The following ANAPC10 variants were observed in gnomAD, a reference collection of about 807,000 sequenced individuals.
ANAPC10 encodes anaphase promoting complex subunit 10.
In ANAPC10, 12 loss-of-function variants were observed where a neutral mutation model predicts 22.0. The ratio of observed to expected loss-of-function variants is 0.55; its 90% CI spans 0.35 to 0.88. The LOEUF (loss-of-function observed/expected upper bound fraction) is 0.88. Ranked by LOEUF, ANAPC10 falls within the 40% of genes least tolerant of loss-of-function variation. The pLI is 0.01. For missense variants in ANAPC10, 188 were observed against 220.9 expected, an observed-to-expected ratio of 0.85 and a Z score of 0.94; for synonymous variants, 65 against 69.5, an observed-to-expected ratio of 0.94 and a Z score of 0.32.
rs576641738 is a variant in ANAPC10 at position 145,077,712 on chromosome 4, G to C, written c.206+3948C>G. Among the ~76,000 whole-genome samples, 3 of 152,188 alleles carry C rather than the reference G, an allele frequency of 2.0e-5. No homozygotes were observed. In the South Asian group the frequency reaches 6.2e-4, roughly 32 times the overall value. ...GCTTTATTCCTCGGATGTAAGATAGGCTCCACATATGCAAATCAATAAATG... is the reference window on the plus strand; with the variant it reads ...GCTTTATTCCTCGGATGTAAGATAGCCTCCACATATGCAAATCAATAAATG... On this transcript the variant is annotated intron_variant, in intron 3 of 4. Transcript: ENST00000507656.
chr4:145,054,636 TGTGTGCGC>T (rs1465463588), intron 4 of ANAPC10, among the ~76,000 whole-genome samples: 23 of 100,754 alleles, frequency 2.3e-4, no homozygotes, highest in Non-Finnish European at 2.3e-4. Context: ...TGTGTGTGTG[TGTGTGCGC>T]GCGCGCGCGC....
At chr4:145,047,604 C>A (rs900352772) in intron 4 of ANAPC10, among the ~76,000 whole-genome samples, 1 of 152,098 alleles carries the variant, frequency 6.6e-6, no homozygotes, top group Non-Finnish European at 1.5e-5. Flanking sequence ...AAGTCAGGAA[C>A]ACTTCTCAAT....
chr4:145,077,628 A>G lies in ANAPC10; in HGVS notation c.206+4032T>C, dbSNP rs543051800. ...TCGACACAAAAATCCTCAATAACAT[A>G]CTAGCAAACTGAAACCAGCAGCACA... On this transcript the variant is annotated intron_variant, in intron 3 of 4. Coordinates refer to ENST00000507656, the MANE Select transcript of ANAPC10 (RefSeq NM_001256706.2). 3.9e-5 allele frequency among the ~76,000 whole-genome samples: 6 copies of G among 152,296 alleles called. No individual in the cohort carries two copies. In the East Asian group the frequency reaches 1.2e-3, roughly 29 times the overall value.
intron 4 of ANAPC10, among the ~76,000 whole-genome samples, chr4:145,020,126 T>C (rs1368827888): frequency 4.6e-5 from 7 of 151,926 alleles, no homozygotes; most frequent in Admixed American, 2.6e-4. Context: ...GGAAAGGACA[T>C]AACCAGAAAG....
intron 4 of ANAPC10, chr4:145,035,458 A>C (rs936246293): frequency 2.0e-5 from 3 of 152,212 alleles, no homozygotes; most frequent in Non-Finnish European, 4.4e-5. Context: ...ATACATTGTC[A>C]TTATCTACTG....
chr4:145,070,473 G>C (rs1744334090), intron 3 of ANAPC10, among the ~76,000 whole-genome samples: 2 of 152,164 alleles, frequency 1.3e-5, no homozygotes, highest in Non-Finnish European at 2.9e-5. Context: ...TAATGAGACA[G>C]ACTCATTAGG....
chr4:145,094,569 G>A (rs925461956), intron 2 of ANAPC10, among the ~76,000 whole-genome samples: 12 of 152,172 alleles, frequency 7.9e-5, no homozygotes, highest in African/African-American at 2.7e-4. Context: ...ATGGATACAG[G>A]AGTCATAATG....
At chr4:145,037,184 G>T (rs1738708939) in intron 4 of ANAPC10, among the ~76,000 whole-genome samples, 1 of 151,886 alleles carries the variant, frequency 6.6e-6, no homozygotes, top group African/African-American at 2.4e-5. Flanking sequence ...TCATACTCCA[G>T]GTAACATCAC....
intron 4 of ANAPC10, among the ~76,000 whole-genome samples, chr4:145,006,327 T>C (rs1265255790): frequency 6.6e-6 from 1 of 152,134 alleles, no homozygotes; most frequent in South Asian, 2.1e-4. Context: ...GGGAATTTGT[T>C]TGGCAAACAT....
intron 4 of ANAPC10, among the ~76,000 whole-genome samples, chr4:145,032,774 C>T (rs1356454445): frequency 1.2e-4 from 19 of 152,202 alleles, no homozygotes; most frequent in Admixed American, 1.2e-3. Context: ...CACCATTCCT[C>T]AGAGTGATCA....
chr4:145,023,056 G>A (rs1736187226), intron 4 of ANAPC10, among the ~76,000 whole-genome samples: 2 of 151,994 alleles, frequency 1.3e-5, no homozygotes, highest in African/African-American at 4.8e-5. Context: ...ATAGTCAAGT[G>A]GATAAATTGG....
At chr4:145,040,395 G>A (rs1461099807) in intron 4 of ANAPC10, among the ~76,000 whole-genome samples, 2 of 152,166 alleles carry the variant, frequency 1.3e-5, no homozygotes, top group South Asian at 2.1e-4. Flanking sequence ...TGATCCACCC[G>A]CCTTGGCCTC....
At chr4:145,079,397 TG>T (rs1745631653) in intron 3 of ANAPC10, among the ~76,000 whole-genome samples, 1 of 152,062 alleles carries the variant, frequency 6.6e-6, no homozygotes, top group African/African-American at 2.4e-5. Context: ...GGTGAAGTTG[TG>T]AAAAAAAGGG....
chr4:145,010,274 A>G (rs1489063695), intron 4 of ANAPC10, among the ~76,000 whole-genome samples: 3 of 152,216 alleles, frequency 2.0e-5, no homozygotes, highest in Non-Finnish European at 4.4e-5. Context: ...GCAATTCCTC[A>G]GGGATCTAGA....
chr4:145,057,330 T>C (rs1214026937), intron 4 of ANAPC10, among the ~76,000 whole-genome samples: 1 of 152,166 alleles, frequency 6.6e-6, no homozygotes, highest in African/African-American at 2.4e-5. Flanking sequence ...TATTAAAACA[T>C]GAAATACAGG....
intron 3 of ANAPC10, among the ~76,000 whole-genome samples, chr4:145,071,655 C>T (rs1176487501): frequency 6.6e-6 from 1 of 152,076 alleles, no homozygotes; most frequent in Non-Finnish European, 1.5e-5. Flanking sequence ...AACTTTATAA[C>T]CTGATAACCT....
At chr4:145,068,636 G>A (rs190685977) in intron 3 of ANAPC10, among the ~76,000 whole-genome samples, 58 of 152,310 alleles carry the variant, frequency 3.8e-4, no homozygotes, top group Admixed American at 3.7e-3. Context: ...TGGGGGCCGG[G>A]TGCAGTGGCA....
chr4:144,998,987 C>T (rs551885784), intron 4 of ANAPC10, among the ~76,000 whole-genome samples: 2 of 152,214 alleles, frequency 1.3e-5, no homozygotes, highest in Admixed American at 6.5e-5. Flanking sequence ...ACTATAAACA[C>T]CTCTACGCAA....
chr4:145,024,147 A>G (rs1736333010), intron 4 of ANAPC10, among the ~76,000 whole-genome samples: 1 of 152,230 alleles, frequency 6.6e-6, no homozygotes, highest in Admixed American at 6.5e-5. Context: ...ATTCAGTCAC[A>G]TCTTTTAGGC....
Sources: gnomAD v4.1 joint callset for allele counts (sites outside exome capture counted in the v4.1 genomes callset) on GRCh38, gnomAD v4.1.1 for gene constraint, MANE v1.5 for transcripts, NCBI Gene and HGNC (gene_info 2026-07-23, HGNC 2026-07-21) for gene names.